DPYSL3: variants seen among roughly 807,000 people sequenced by gnomAD.
The protein encoded by DPYSL3 is dihydropyrimidinase like 3.
A neutral mutation model predicts 66.1 loss-of-function variants in DPYSL3; 16 were observed. The ratio of observed to expected loss-of-function variants is 0.24; its 90% confidence interval spans 0.16 to 0.37. The LOEUF (loss-of-function observed/expected upper bound fraction) is 0.37, where lower values mean the gene tolerates loss of function less well. DPYSL3 is among the 10% of genes least tolerant of loss of function. DPYSL3 has a pLI of 1.00. For missense variants in DPYSL3, 738 were observed against 916.2 expected, an observed-to-expected ratio of 0.81 and a Z score of 2.51; for synonymous variants, 338 against 345.1, an observed-to-expected ratio of 0.98 and a Z score of 0.23.
intron 1 of DPYSL3, among the ~76,000 whole-genome samples, chr5:147,502,789 G>A (rs934963642): frequency 1.3e-5 from 2 of 151,992 alleles, no homozygotes; most frequent in East Asian, 1.9e-4. Flanking sequence ...TGTTAGCCAG[G>A]ATGATCTCGA....
chr5:147,488,371 T>C (rs1041055307), intron 1 of DPYSL3, among the ~76,000 whole-genome samples: 3 of 152,174 alleles, frequency 2.0e-5, no homozygotes, highest in African/African-American at 7.2e-5. Context: ...AAAATAGCGA[T>C]GAATGGGCTA....
chr5:147,469,195 G>A (rs559504520), intron 1 of DPYSL3, among the ~76,000 whole-genome samples: 14 of 152,284 alleles, frequency 9.2e-5, no homozygotes, highest in South Asian at 4.1e-4. Flanking sequence ...GTAATACTCC[G>A]CATCACTGAT....
intron 1 of DPYSL3, among the ~76,000 whole-genome samples, chr5:147,461,628 G>A (rs1358311258): frequency 6.6e-6 from 1 of 152,138 alleles, no homozygotes; most frequent in Admixed American, 6.5e-5. Context: ...CTGTAAAGTG[G>A]GAAGGGAGAC....
intron 1 of DPYSL3, among the ~76,000 whole-genome samples, chr5:147,463,650 TG>T (rs1389153027): frequency 1.3e-5 from 2 of 152,130 alleles, no homozygotes; most frequent in African/African-American, 4.8e-5. Context: ...AGCCCCAATG[TG>T]GCACAATGGG....
In DPYSL3 at chr5:147,396,745, G is replaced by T. The variant is rs556821638; in HGVS notation, c.1803+921C>A. Among the ~76,000 whole-genome samples the T allele has an allele frequency of 3.9e-5, 6 of 152,084 alleles. 1 individual carries two copies. The South Asian group carries it at 1.2e-3, about 32-fold the overall frequency. On this transcript the variant is annotated intron_variant, in intron 12 of 13. Coordinates refer to ENST00000343218, the MANE Select transcript of DPYSL3 (RefSeq NM_001197294.2). Reference sequence around the variant, plus strand: ...ATAGAAATAAAGGGTCAATATTGGGGAAGTCTCCTTCTCTATTAGGCCCAA... The same window carrying T: ...ATAGAAATAAAGGGTCAATATTGGGTAAGTCTCCTTCTCTATTAGGCCCAA...
intron 1 of DPYSL3, among the ~76,000 whole-genome samples, chr5:147,472,401 G>A (rs933910639): frequency 2.0e-5 from 3 of 152,196 alleles, no homozygotes; most frequent in African/African-American, 7.2e-5. Context: ...TTTTAGCCAT[G>A]TCTATTTTAT....
At chr5:147,478,877 G>A (rs555580716) in intron 1 of DPYSL3, among the ~76,000 whole-genome samples, 3 of 152,098 alleles carry the variant, frequency 2.0e-5, no homozygotes, top group East Asian at 3.9e-4. Flanking sequence ...TGTCAGCCTC[G>A]GGACACTGTC....
At chr5:147,406,153 T>C (rs1758320479) in intron 7 of DPYSL3, 1 of 153,298 alleles carries the variant, frequency 6.5e-6, no homozygotes, top group African/African-American at 2.4e-5. Flanking sequence ...TCATGGTTCC[T>C]CAAATCCTTT....
At chr5:147,501,839 T>A (rs1753616889) in intron 1 of DPYSL3, among the ~76,000 whole-genome samples, 1 of 152,112 alleles carries the variant, frequency 6.6e-6, no homozygotes, top group African/African-American at 2.4e-5. Context: ...TGTGGAGTGT[T>A]GCCAGTGAAG....
chr5:147,494,541 A>G (rs1753469084), intron 1 of DPYSL3, among the ~76,000 whole-genome samples: 1 of 151,774 alleles, frequency 6.6e-6, no homozygotes, highest in Non-Finnish European at 1.5e-5. Context: ...TGAAATAGGG[A>G]CATCACTATA....
At position 147,399,099 on chromosome 5, in the gene DPYSL3, C is replaced by G. The variant is rs1265683666; in HGVS notation, c.1606G>C (p.Ala536Pro). ...WDPDAVKIVS[A>P]KNHQSAAEYN... ...GGCCTTACAGACTGGTGGTTCTTGG[C>G]AGAGACGATCTTCACAGCATCTGGA... is the stretch of plus-strand genomic sequence containing the variant. Residue 536 changes from alanine to proline, a missense_variant, in exon 11 of 14, where the codon GCC becomes CCC. Ala to Pro is a conservative substitution (Grantham distance 27). Coordinates refer to ENST00000343218, the MANE Select transcript of DPYSL3 (RefSeq NM_001197294.2). 1.2e-6 allele frequency: 2 copies of G among 1,614,060 alleles called. No homozygotes were observed. Among genetic ancestry groups the G allele is most frequent in the Non-Finnish European group, 1.7e-6 (2 of 1,179,988 alleles).
In DPYSL3 at chr5:147,509,604, G is replaced by A; in HGVS notation, c.255C>T (p.Thr85=). ...SGSRPGIEGD[T]PRRGQGREES... ...CTTCCCGGCCTTGGCCCCTGCGCGG[G>A]GTGTCCCCCTCGATCCCGGGCCGAC... Residue 85 remains threonine, a synonymous_variant, in exon 1 of 14, where the codon ACC becomes ACT. Coordinates refer to ENST00000343218, the MANE Select transcript of DPYSL3 (RefSeq NM_001197294.2). The surrounding 1 kb of genome is among the most constrained non-coding windows in gnomAD (Gnocchi z 5.3). 6.5e-7 allele frequency: 1 copy of A among 1,535,496 alleles called. No individual in the cohort carries two copies. The highest frequency in any genetic ancestry group is 8.7e-7 in the Non-Finnish European group (1 of 1,146,642).
At chr5:147,436,554 T>C in intron 1 of DPYSL3, among the ~76,000 whole-genome samples, 1 of 152,226 alleles carries the variant, frequency 6.6e-6, no homozygotes. Context: ...GGGGTCCTTT[T>C]AAACTTTTTC....
At chr5:147,445,402 G>A (rs1752612871) in intron 1 of DPYSL3, among the ~76,000 whole-genome samples, 2 of 152,200 alleles carry the variant, frequency 1.3e-5, no homozygotes, top group South Asian at 2.1e-4. Context: ...CTAGAAAGAT[G>A]TCAAAGGGAA....
At position 147,490,826 on chromosome 5, in the gene DPYSL3, G is replaced by A. The variant is rs544360187; in HGVS notation, c.381+18652C>T. Reference sequence around the variant, plus strand: ...GCAATTGGTTAATTGCTGGATGCTAGATACAGACAACTCAGAGAGTTAAAA... The same window carrying A: ...GCAATTGGTTAATTGCTGGATGCTAAATACAGACAACTCAGAGAGTTAAAA... On this transcript the variant is annotated intron_variant, in intron 1 of 13. Transcript: ENST00000343218. Among the ~76,000 whole-genome samples, 15 of 152,216 alleles carry A rather than the reference G, an allele frequency of 9.9e-5. No individual in the cohort carries two copies. The East Asian group carries it at 2.1e-3, about 22-fold the overall frequency.
Position 147,426,418 on chromosome 5 carries a change from A to C in DPYSL3, c.382-1455T>G, listed in dbSNP as rs536040943. Among the ~76,000 whole-genome samples the C allele has an allele frequency of 8.5e-4, 130 of 152,202 alleles. 2 individuals are homozygous for C. In the South Asian group the frequency reaches 0.025, roughly 29 times the overall value. ...GGCTACTCATGCTGGGTTTGGTAAG[A>C]GTTTGAGTTTGAATGAAAATACACT... On this transcript the variant is annotated intron_variant, in intron 1 of 13. Transcript: ENST00000343218.
At chr5:147,496,030 G>C (rs1753501949) in intron 1 of DPYSL3, among the ~76,000 whole-genome samples, 1 of 152,118 alleles carries the variant, frequency 6.6e-6, no homozygotes, top group South Asian at 2.1e-4. Context: ...AAAATAGCAT[G>C]GTACTGGTAC....
intron 1 of DPYSL3, chr5:147,453,408 G>A: frequency 7.8e-7 from 1 of 1,283,094 alleles, no homozygotes; most frequent in Non-Finnish European, 1.0e-6. Flanking sequence ...TGACCGCCGC[G>A]CTCCGCCACC....
intron 10 of DPYSL3, among the ~76,000 whole-genome samples, chr5:147,399,861 G>T (rs888897215): frequency 6.6e-6 from 1 of 152,138 alleles, no homozygotes; most frequent in Non-Finnish European, 1.5e-5. Flanking sequence ...ATATGAAAAA[G>T]GAAACACTAT....
Sources: gnomAD v4.1 joint callset for allele counts (sites outside exome capture counted in the v4.1 genomes callset) on GRCh38, gnomAD v4.1.1 for gene constraint, Gnocchi (gnomAD v3.1) non-coding constraint, MANE v1.5 for transcripts, NCBI Gene and HGNC (gene_info 2026-07-23, HGNC 2026-07-21) for gene names.